SPAG17: variants seen among roughly 807,000 people sequenced by gnomAD.
SPAG17 encodes the protein sperm-associated antigen 17.
SPAG17 carries 169 observed loss-of-function variants against 273.6 expected under a neutral mutation model. The observed-to-expected ratio is 0.62, with a 90% CI of 0.55 to 0.70. SPAG17 has a LOEUF of 0.70. Ranked by LOEUF, SPAG17 falls within the 30% of genes least tolerant of loss-of-function variation. SPAG17 has a pLI of 0.00. For synonymous variants in SPAG17, 825 were observed against 873.2 expected (o/e 0.94, Z 0.97); for missense variants, 2,557 against 2,627.8 (o/e 0.97, Z 0.59).
At chr1:117,972,476 C>T (rs565111626) in intron 44 of SPAG17, among the ~76,000 whole-genome samples, 1 of 152,212 alleles carries the variant, frequency 6.6e-6, no homozygotes, top group Non-Finnish European at 1.5e-5. Context: ...GCATTTATAA[C>T]AAGTTCTTAG....
intron 14 of SPAG17, 46 bp downstream of exon 14, chr1:118,081,369 G>A (rs373956756): frequency 1.2e-4 from 186 of 1,610,458 alleles, no homozygotes; most frequent in South Asian, 4.1e-4. Context: ...AAAAATTGAC[G>A]ATCATAAAAT....
At chr1:118,005,032 C>G (rs1193750509) in intron 32 of SPAG17, among the ~76,000 whole-genome samples, 1 of 152,216 alleles carries the variant, frequency 6.6e-6, no homozygotes, top group African/African-American at 2.4e-5. Flanking sequence ...TACCATCTTA[C>G]TCTGTGACTA....
rs199694436 is a variant in SPAG17 at position 118,099,598 on chromosome 1, C to G, written c.829+8G>C. 68 of 1,613,322 alleles carry G rather than the reference C, an allele frequency of 4.2e-5. No individual in the cohort carries two copies. Among genetic ancestry groups the G allele is most frequent in the Middle Eastern group, 3.3e-4 (2 of 6,060 alleles). On this transcript the variant is annotated splice_region_variant and intron_variant, in intron 6 of 48. Transcript: ENST00000336338. ...AGGACTCAGTAAGTTGTGTAGCAGA[C>G]TGCATACCTTCTGACTGAAGAAGAA...
At position 118,139,628 on chromosome 1, in the gene SPAG17, G is replaced by C. The variant is rs144456472; in HGVS notation, c.315+10915C>G. 6.0e-4 allele frequency among the ~76,000 whole-genome samples: 92 copies of C among 152,238 alleles called. 1 individual carries two copies. The highest frequency in any genetic ancestry group is 2.7e-3 in the Admixed American group (41 of 15,290). ...TATACATTAAATGGAATACTATTCAGCCTTAAAAAAGAAGGAAACTCTCAT... is the reference window on the plus strand; with the variant it reads ...TATACATTAAATGGAATACTATTCACCCTTAAAAAAGAAGGAAACTCTCAT... On this transcript the variant is annotated intron_variant, in intron 3 of 48. Coordinates refer to ENST00000336338, the MANE Select transcript of SPAG17 (RefSeq NM_206996.4).
intron 1 of SPAG17, among the ~76,000 whole-genome samples, chr1:118,176,692 C>A (rs1370415368): frequency 6.6e-6 from 1 of 152,098 alleles, no homozygotes; most frequent in Non-Finnish European, 1.5e-5. Context: ...ACACACTATA[C>A]CAAATAGGCC....
intron 29 of SPAG17, among the ~76,000 whole-genome samples, chr1:118,013,876 A>G (rs943268669): frequency 1.3e-5 from 2 of 152,116 alleles, no homozygotes; most frequent in African/African-American, 4.8e-5. Context: ...CTCAACAGGT[A>G]ATGACTATTA....
At chr1:118,114,168 T>C (rs1019757555) in intron 4 of SPAG17, among the ~76,000 whole-genome samples, 1 of 152,164 alleles carries the variant, frequency 6.6e-6, no homozygotes. Context: ...TGTCAAGTCT[T>C]AATTACCCTG....
At chr1:118,049,962 A>G (rs1449387465) in intron 20 of SPAG17, among the ~76,000 whole-genome samples, 5 of 152,222 alleles carry the variant, frequency 3.3e-5, no homozygotes, top group African/African-American at 9.6e-5. Flanking sequence ...GCAGCTTCCC[A>G]GCGAGACCTC....
In SPAG17 at chr1:118,151,366, C is replaced by T. The variant is rs985692080; in HGVS notation, c.91G>A (p.Asp31Asn). Residue 31 changes from aspartate to asparagine, a missense_variant, in exon 2 of 49, where the codon GAT becomes AAT. Physicochemically the swap from Asp to Asn is conservative, Grantham distance 23. Transcript: ENST00000336338. Reference protein sequence around the residue: ...SLIAAQFNQNDWQASIAFVVG... With the variant: ...SLIAAQFNQNNWQASIAFVVG... The stretch of plus-strand genomic sequence containing the variant: ...ACAAAAGCAATGGAGGCCTGCCAAT[C>T]GTTCTATTAAAAATCAGACGGAATT... The T allele has an allele frequency of 3.7e-6, 6 of 1,610,902 alleles. No individual in the cohort carries two copies. In the African/African-American group the frequency reaches 6.7e-5, roughly 18 times the overall value.
chr1:118,128,725 A>G (rs1370654504), intron 3 of SPAG17, among the ~76,000 whole-genome samples: 1 of 152,142 alleles, frequency 6.6e-6, no homozygotes, highest in African/African-American at 2.4e-5. Flanking sequence ...TAGATGTGTT[A>G]ATTTAGCCTT....
At chr1:118,032,593 TTTA>T (rs942377966) in intron 24 of SPAG17, among the ~76,000 whole-genome samples, 3 of 151,730 alleles carry the variant, frequency 2.0e-5, no homozygotes, top group African/African-American at 7.3e-5. Flanking sequence ...TTTATTTTTA[TTTA>T]TTATTATTAT....
intron 3 of SPAG17, among the ~76,000 whole-genome samples, chr1:118,132,429 G>A (rs1658103307): frequency 6.6e-6 from 1 of 152,180 alleles, no homozygotes; most frequent in Admixed American, 6.5e-5. Flanking sequence ...AACCAAGGGT[G>A]ACACGATCAG....
chr1:118,179,839 A>C (rs972845089), intron 1 of SPAG17, among the ~76,000 whole-genome samples: 1 of 152,108 alleles, frequency 6.6e-6, no homozygotes, highest in Non-Finnish European at 1.5e-5. Context: ...GTATATGAAA[A>C]GATGCTCAAC....
intron 12 of SPAG17, 25 bp from the exon 13 acceptor site, chr1:118,086,097 G>A: frequency 3.7e-6 from 6 of 1,611,658 alleles, no homozygotes; most frequent in Middle Eastern, 1.7e-4. Context: ...CAACATGACA[G>A]AAGACATTAG....
chr1:118,014,617 A>C (rs1025587318), intron 29 of SPAG17, among the ~76,000 whole-genome samples: 2 of 152,222 alleles, frequency 1.3e-5, no homozygotes, highest in Non-Finnish European at 2.9e-5. Context: ...TGAAGAGGAA[A>C]AAATATTTGG....
At chr1:118,002,828 T>G (rs1658451212) in intron 32 of SPAG17, among the ~76,000 whole-genome samples, 1 of 152,214 alleles carries the variant, frequency 6.6e-6, no homozygotes, top group Admixed American at 6.5e-5. Context: ...CATTTACATT[T>G]AAGGTTAATA....
chr1:117,963,546 AG>A (rs1653394598), intron 48 of SPAG17: 1 of 232,332 alleles, frequency 4.3e-6, no homozygotes, highest in Non-Finnish European at 8.7e-6. Flanking sequence ...TCTATTGTTT[AG>A]TAGAGACGGG....
At chr1:118,038,624 C>A (rs1253659487) in intron 23 of SPAG17, among the ~76,000 whole-genome samples, 1 of 152,098 alleles carries the variant, frequency 6.6e-6, no homozygotes, top group African/African-American at 2.4e-5. Flanking sequence ...CATGAAAAGA[C>A]ACACAGGAAA....
chr1:118,031,675 T>A lies in SPAG17; in HGVS notation c.3609+17A>T, dbSNP rs201176677. 1 of 1,610,478 alleles carries A rather than the reference T, an allele frequency of 6.2e-7. No individual in the cohort carries two copies. The highest frequency in any genetic ancestry group is 8.5e-7 in the Non-Finnish European group (1 of 1,178,678). The stretch of plus-strand genomic sequence containing the variant: ...AGCAGAAACAGAGTTTGGGAATCTA[T>A]GGCAAGGTTCATTTACCTTTTTCTC... On this transcript the variant is annotated intron_variant, in intron 25 of 48. Transcript: ENST00000336338.
Sources: allele counts gnomAD v4.1 joint callset (sites outside exome capture counted in the v4.1 genomes callset), GRCh38; gene constraint gnomAD v4.1.1; transcripts MANE v1.5; gene names NCBI Gene and HGNC (gene_info 2026-07-23, HGNC 2026-07-21).